The following LSAMP variants were observed in gnomAD, a reference collection of about 807,000 sequenced individuals.
The protein encoded by LSAMP is limbic system-associated membrane protein.
LSAMP carries 7 observed loss-of-function variants against 38.6 expected under a neutral mutation model. The observed-to-expected ratio is 0.18, with a 90% CI of 0.10 to 0.34. The LOEUF (loss-of-function observed/expected upper bound fraction) is 0.34, where lower values mean the gene tolerates loss of function less well. Among genes scored for constraint, LSAMP ranks in the 10% least tolerant of loss-of-function variants. The pLI is 1.00. For missense variants in LSAMP, 313 were observed against 420.0 expected (o/e 0.75, Z 2.23); for synonymous variants, 154 against 166.8 (o/e 0.92, Z 0.59).
At chr3:116,167,918 G>T (rs1210615271) in intron 1 of LSAMP, among the ~76,000 whole-genome samples, 1 of 152,160 alleles carries the variant, frequency 6.6e-6, no homozygotes, top group Non-Finnish European at 1.5e-5. Flanking sequence ...AGGGGTAAAA[G>T]AGCAGTGAGA....
intron 1 of LSAMP, among the ~76,000 whole-genome samples, chr3:116,130,127 C>T (rs557063463): frequency 1.3e-5 from 2 of 152,142 alleles, no homozygotes; most frequent in African/African-American, 2.4e-5. Context: ...GAAAAATATG[C>T]TTTCTAGCTC....
At chr3:115,957,453 T>A (rs1333344106) in intron 3 of LSAMP, among the ~76,000 whole-genome samples, 1 of 152,204 alleles carries the variant, frequency 6.6e-6, no homozygotes, top group Non-Finnish European at 1.5e-5. Context: ...ACCTATTTTT[T>A]TTTTAATCTC....
intron 1 of LSAMP, among the ~76,000 whole-genome samples, chr3:116,425,858 C>T (rs1247416466): frequency 7.3e-6 from 1 of 137,882 alleles, no homozygotes; most frequent in South Asian, 2.6e-4. Flanking sequence ...GGGAAAAAAA[C>T]CATACATCCT....
chr3:116,432,156 A>T lies in LSAMP; in HGVS notation c.155+12721T>A, dbSNP rs148084526. ...TATATCGTATCTGTTTACATGCTTGATACCCTTAAAAATTTGGTTTTCTGT... is the reference window on the plus strand; with the variant it reads ...TATATCGTATCTGTTTACATGCTTGTTACCCTTAAAAATTTGGTTTTCTGT... On this transcript the variant is annotated intron_variant, in intron 1 of 6. Coordinates refer to ENST00000490035, the MANE Select transcript of LSAMP (RefSeq NM_002338.5). Among the ~76,000 whole-genome samples, 594 of 152,028 alleles carry T rather than the reference A, an allele frequency of 3.9e-3. 3 individuals carry two copies. The highest frequency in any genetic ancestry group is 0.013 in the African/African-American group (554 of 41,532).
chr3:116,093,164 G>A (rs1231463022), intron 1 of LSAMP, among the ~76,000 whole-genome samples: 6 of 152,178 alleles, frequency 3.9e-5, no homozygotes, highest in African/African-American at 1.4e-4. Context: ...GTGGTCCCAA[G>A]TGAAGGCAAT....
intron 1 of LSAMP, among the ~76,000 whole-genome samples, chr3:116,354,131 T>C (rs921237020): frequency 6.6e-6 from 1 of 152,172 alleles, no homozygotes; most frequent in Non-Finnish European, 1.5e-5. Context: ...TTTAAAAAGC[T>C]GTTAGCTAAT....
intron 1 of LSAMP, among the ~76,000 whole-genome samples, chr3:116,139,642 G>A (rs554988041): frequency 3.5e-4 from 53 of 152,002 alleles, no homozygotes; most frequent in African/African-American, 1.2e-3. Context: ...GTCTTTCATC[G>A]TCAACCTAGG....
intron 1 of LSAMP, among the ~76,000 whole-genome samples, chr3:116,144,905 A>G (rs916882633): frequency 6.6e-6 from 1 of 151,940 alleles, no homozygotes; most frequent in Non-Finnish European, 1.5e-5. Flanking sequence ...GTAAAATAAT[A>G]TAGTTGGTTA....
intron 1 of LSAMP, among the ~76,000 whole-genome samples, chr3:116,201,717 T>C (rs868075032): frequency 6.6e-5 from 10 of 152,200 alleles, no homozygotes; most frequent in Non-Finnish European, 1.3e-4. Context: ...CAGCTGAAGC[T>C]GTTCAAGTAC....
At chr3:115,874,689 A>G (rs6438283) in intron 3 of LSAMP, among the ~76,000 whole-genome samples, 29,289 of 152,036 alleles carry the variant, frequency 0.19, 3,689 homozygotes, top group African/African-American at 0.34. Context: ...TCATGAAGCT[A>G]CCATCTAAAT....
At chr3:116,435,253 A>G (rs1263610932) in intron 1 of LSAMP, among the ~76,000 whole-genome samples, 2 of 152,144 alleles carry the variant, frequency 1.3e-5, no homozygotes, top group Non-Finnish European at 2.9e-5. Flanking sequence ...TAACTAGGTT[A>G]CCCATCTTGG....
At chr3:116,275,333 T>C (rs1446178309) in intron 1 of LSAMP, among the ~76,000 whole-genome samples, 1 of 152,234 alleles carries the variant, frequency 6.6e-6, no homozygotes, top group East Asian at 1.9e-4. Context: ...GATTACAAGC[T>C]TGAGCCACCA....
At chr3:116,346,972 T>C (rs2048071241) in intron 1 of LSAMP, among the ~76,000 whole-genome samples, 2 of 152,174 alleles carry the variant, frequency 1.3e-5, no homozygotes, top group Non-Finnish European at 2.9e-5. Flanking sequence ...ATAAATAAAA[T>C]GATAAAATGA....
At chr3:116,178,786 TAAATA>T (rs1710415182) in intron 1 of LSAMP, among the ~76,000 whole-genome samples, 1 of 152,126 alleles carries the variant, frequency 6.6e-6, no homozygotes, top group Non-Finnish European at 1.5e-5. Context: ...ATTTTAAAAT[TAAATA>T]AAAGGAATTC....
At chr3:116,138,854 ATAT>A (rs1412186123) in intron 1 of LSAMP, among the ~76,000 whole-genome samples, 1 of 150,766 alleles carries the variant, frequency 6.6e-6, no homozygotes, top group Non-Finnish European at 1.5e-5. Context: ...GCTTGGTTTA[ATAT>A]TATTGAATTC....
chr3:116,225,344 G>T (rs1167473843), intron 1 of LSAMP, among the ~76,000 whole-genome samples: 1 of 152,110 alleles, frequency 6.6e-6, no homozygotes, highest in East Asian at 1.9e-4. Flanking sequence ...CAAGCCAAGG[G>T]ATTCTGGGAG....
At chr3:115,913,948 G>A (rs1395751819) in intron 3 of LSAMP, among the ~76,000 whole-genome samples, 4 of 151,816 alleles carry the variant, frequency 2.6e-5, no homozygotes, top group African/African-American at 9.7e-5. Flanking sequence ...CCAGGGAACT[G>A]TATTTTGTAA....
At chr3:116,288,329 G>A (rs2047218717) in intron 1 of LSAMP, among the ~76,000 whole-genome samples, 1 of 152,182 alleles carries the variant, frequency 6.6e-6, no homozygotes, top group Non-Finnish European at 1.5e-5. Context: ...AAAGACAGAT[G>A]AGAGAAGGTA....
At chr3:116,107,987 C>G (rs1270689265) in intron 1 of LSAMP, among the ~76,000 whole-genome samples, 1 of 152,100 alleles carries the variant, frequency 6.6e-6, no homozygotes, top group African/African-American at 2.4e-5. Flanking sequence ...AGTTTATAGG[C>G]TTTAAAAGGC....
Sources: gnomAD v4.1 joint callset for allele counts (sites outside exome capture counted in the v4.1 genomes callset) on GRCh38, gnomAD v4.1.1 for gene constraint, MANE v1.5 for transcripts, NCBI Gene and HGNC (gene_info 2026-07-23, HGNC 2026-07-21) for gene names.